Variants in AKAP9 observed in about 807,000 individuals in gnomAD.
AKAP9 encodes A-kinase anchor protein 9.
AKAP9 carries 311 observed loss-of-function variants against 488.5 expected under a neutral mutation model. The ratio of observed to expected loss-of-function variants is 0.64; its 90% CI spans 0.58 to 0.70. AKAP9 has a LOEUF of 0.70. Among genes scored for constraint, AKAP9 ranks in the 30% least tolerant of loss-of-function variants. AKAP9 has a pLI of 0.00. For synonymous variants in AKAP9, 1,462 were observed against 1,483.5 expected (o/e 0.99, Z 0.33); for missense variants, 4,215 against 4,374.5 (o/e 0.96, Z 1.03).
chr7:91,954,133 T>TC (rs979001687), intron 1 of AKAP9, among the ~76,000 whole-genome samples: 2 of 152,138 alleles, frequency 1.3e-5, no homozygotes, highest in African/African-American at 4.8e-5. Flanking sequence ...TGCCATTCTC[T>TC]CCATCATTTT....
chr7:92,007,862 C>T (rs1208485078), intron 8 of AKAP9, among the ~76,000 whole-genome samples: 2 of 152,268 alleles, frequency 1.3e-5, no homozygotes, highest in East Asian at 1.9e-4. Flanking sequence ...ATGCATTTAA[C>T]ATGATGTGTT....
At chr7:91,976,890 A>G (rs1374059175) in intron 2 of AKAP9, among the ~76,000 whole-genome samples, 1 of 151,968 alleles carries the variant, frequency 6.6e-6, no homozygotes, top group Non-Finnish European at 1.5e-5. Context: ...TGTTCTTACA[A>G]TTTAAATTTT....
At chr7:91,987,419 C>CAAAAAAAAAAAAAAAAAAAAAAAAAA (rs1797238814) in intron 3 of AKAP9, among the ~76,000 whole-genome samples, 1 of 145,302 alleles carries the variant, frequency 6.9e-6, no homozygotes, top group African/African-American at 2.6e-5. Flanking sequence ...AATTCTATCT[C>CAAAAAAAAAAAAAAAAAAAAAAAAAA]GAAAAAAAAA....
chr7:91,945,548 C>T (rs1426148516), intron 1 of AKAP9, among the ~76,000 whole-genome samples: 3 of 152,062 alleles, frequency 2.0e-5, no homozygotes, highest in African/African-American at 4.8e-5. Context: ...GTGTAGCCTG[C>T]CCAGTGGGCT....
At chr7:92,012,023 C>T (rs1470178899) in intron 8 of AKAP9, among the ~76,000 whole-genome samples, 3 of 152,196 alleles carry the variant, frequency 2.0e-5, no homozygotes, top group Non-Finnish European at 2.9e-5. Context: ...ATCGCTTGAA[C>T]CCAGGAGGTC....
intron 3 of AKAP9, among the ~76,000 whole-genome samples, chr7:91,990,945 A>G (rs1797669939): frequency 2.0e-5 from 3 of 152,204 alleles, no homozygotes; most frequent in Admixed American, 2.0e-4. Context: ...CATCCCATTC[A>G]TCCCACCCAA....
chr7:92,033,413 T>C (rs1449762237), intron 16 of AKAP9, among the ~76,000 whole-genome samples: 3 of 151,564 alleles, frequency 2.0e-5, no homozygotes, highest in African/African-American at 7.3e-5. Flanking sequence ...AGAAGAAGAC[T>C]GAGAGCCATT....
At chr7:92,016,881 T>G in intron 11 of AKAP9, 136 bp from the exon 12 acceptor site, 2 of 651,090 alleles carry the variant, frequency 3.1e-6, no homozygotes, top group Middle Eastern at 4.2e-4. Flanking sequence ...AGATTTCAAT[T>G]TTCAGTTACT....
intron 22 of AKAP9, among the ~76,000 whole-genome samples, chr7:92,059,523 C>T (rs573295138): frequency 6.6e-6 from 1 of 151,586 alleles, no homozygotes; most frequent in East Asian, 1.9e-4. Flanking sequence ...CTGATTAAAT[C>T]TTGTCAGGAA....
intron 22 of AKAP9, chr7:92,057,829 C>A (rs752596699): frequency 1.3e-5 from 3 of 225,454 alleles, no homozygotes; most frequent in African/African-American, 6.7e-5. Flanking sequence ...TTCTTCTCTT[C>A]AAGGACTTAA....
rs754843357 is a variant in AKAP9, at chr7:92,102,823, C to G, written c.11327C>G (p.Ser3776Cys). 6.2e-7 allele frequency: 1 copy of G among 1,613,650 alleles called. No homozygotes were observed. Among genetic ancestry groups the G allele is most frequent in the African/African-American group, 1.3e-5 (1 of 75,016 alleles). ...RSAVRVSIAI[S>C]RMKFLVRRWH... ...GCCGTCAGAGTATCCATTGCAATTT[C>G]CAGGTAAAGACTTGAAGGAAAATGC... is the stretch of plus-strand genomic sequence containing the variant. The change falls in exon 46 of 50, where the codon TCC becomes TGC. Residue 3776 changes from serine to cysteine, a missense_variant. Around this residue, in one of 5 missense-constraint regions of AKAP9, gnomAD observed 253 missense variants for 266.8 expected, o/e 0.95. Coordinates refer to ENST00000356239, the MANE Select transcript of AKAP9 (RefSeq NM_005751.5).
intron 40 of AKAP9, among the ~76,000 whole-genome samples, chr7:92,096,020 A>G (rs1816502147): frequency 6.6e-6 from 1 of 152,220 alleles, no homozygotes; most frequent in Admixed American, 6.5e-5. Context: ...ACATTATATC[A>G]GGAACATTTA....
In AKAP9 at chr7:92,096,707, G is replaced by C; in HGVS notation, c.9748G>C (p.Glu3250Gln). Residue 3250 changes from glutamate to glutamine, a missense_variant, in exon 41 of 50, where the codon GAG (glutamate) becomes CAG (glutamine). This residue lies in a region of AKAP9 where 1,476 missense variants were observed against 1,477.4 expected (regional missense o/e 1.00). Transcript: ENST00000356239. ...GTACCAGGATCTGAAGTTTTCACTT[G>C]AGAGTCAGAAACAAAGGAATCTTCA... ...EELEDLKFSL[E>Q]SQKQRNLQLN... 3 of 1,613,902 alleles carry C rather than the reference G, an allele frequency of 1.9e-6. No individual in the cohort carries two copies. Among genetic ancestry groups the C allele is most frequent in the Non-Finnish European group, 2.5e-6 (3 of 1,179,890 alleles).
chr7:92,040,260 A>G (rs1231757045), intron 17 of AKAP9, among the ~76,000 whole-genome samples: 1 of 152,184 alleles, frequency 6.6e-6, no homozygotes, highest in Non-Finnish European at 1.5e-5. Flanking sequence ...TTAAATGGGT[A>G]GTTTCTCATG....
intron 22 of AKAP9, among the ~76,000 whole-genome samples, chr7:92,055,615 C>T (rs896822358): frequency 6.6e-6 from 1 of 152,048 alleles, no homozygotes; most frequent in African/African-American, 2.4e-5. Flanking sequence ...TCTTGATTAT[C>T]TGAAACCTGG....
chr7:92,022,092 C>T (rs1802406258), intron 12 of AKAP9, 146 bp from the exon 13 acceptor site: 2 of 691,920 alleles, frequency 2.9e-6, no homozygotes, highest in East Asian at 5.3e-5. Context: ...CAGGGAATAA[C>T]TTAGAAGGGA....
chr7:92,085,493 A>G lies in AKAP9; in HGVS notation c.8833-2A>G. The G allele has an allele frequency of 1.2e-6, 2 of 1,614,014 alleles. No individual in the cohort carries two copies. Among genetic ancestry groups the G allele is most frequent in the Non-Finnish European group, 1.7e-6 (2 of 1,179,932 alleles). On this transcript the variant is annotated splice_acceptor_variant, in intron 35 of 49. Coordinates refer to ENST00000356239, the MANE Select transcript of AKAP9 (RefSeq NM_005751.5). LOFTEE classifies it high-confidence loss of function. ...TTCTGGCTCTTGGGTTTTGGTTTCCAGGGATTACTGAGAGCTGTCCATAAT... is the reference window on the plus strand; with the variant it reads ...TTCTGGCTCTTGGGTTTTGGTTTCCGGGGATTACTGAGAGCTGTCCATAAT...
Position 92,012,557 on chromosome 7 carries a change from G to A in AKAP9, c.3447G>A (p.Glu1149=), listed in dbSNP as rs779022140. 7 of 1,613,832 alleles carry A rather than the reference G, an allele frequency of 4.3e-6. No individual in the cohort carries two copies. In the East Asian group the frequency reaches 1.3e-4, roughly 31 times the overall value. ...AAGCTCTTTGCAGTCTTAAAGAAGA[G>A]CTTATTTTTGCTCAAGAGGAAAAGA... ...KDKALCSLKE[E]LIFAQEEKIK... Residue 1149 remains glutamate (E), a synonymous_variant, in exon 9 of 50, where the codon GAG becomes GAA. Transcript: ENST00000356239.
At chr7:91,956,696 T>C (rs1455647891) in intron 1 of AKAP9, among the ~76,000 whole-genome samples, 2 of 152,206 alleles carry the variant, frequency 1.3e-5, no homozygotes, top group Non-Finnish European at 2.9e-5. Flanking sequence ...CTTCATGTTA[T>C]GGCATTCTTC....
Sources: gnomAD v4.1 joint callset for allele counts (sites outside exome capture counted in the v4.1 genomes callset) on GRCh38, gnomAD v4.1.1 for gene constraint, gnomAD v4.1.1 regional missense constraint, MANE v1.5 for transcripts, NCBI Gene and HGNC (gene_info 2026-07-23, HGNC 2026-07-21) for gene names.